The following RSPRY1 variants were observed in gnomAD, a reference collection of about 807,000 sequenced individuals.
RSPRY1 encodes the protein RING finger and SPRY domain-containing protein 1.
Under a neutral mutation model 73.1 loss-of-function variants are expected in RSPRY1, and 23 were observed. The ratio of observed to expected loss-of-function variants is 0.31; its 90% CI spans 0.23 to 0.45. The LOEUF (loss-of-function observed/expected upper bound fraction) is 0.45. Among genes scored for constraint, RSPRY1 ranks in the 20% least tolerant of loss-of-function variants. The pLI, the probability that RSPRY1 is intolerant of heterozygous loss-of-function variation, is 1.00. For missense variants in RSPRY1, 448 were observed against 698.7 expected, an observed-to-expected ratio of 0.64 and a Z score of 4.05; for synonymous variants, 226 against 251.4, an observed-to-expected ratio of 0.90 and a Z score of 0.95.
Position 57,204,729 on chromosome 16 carries a change from A to C in RSPRY1, c.71A>C (p.Glu24Ala). Residue 24 changes from glutamate to alanine, a missense_variant, in exon 2 of 15, where the codon GAA (glutamate) becomes GCA (alanine). Coordinates refer to ENST00000394420, the MANE Select transcript of RSPRY1 (RefSeq NM_133368.3). ...GGCCAGGGTCTGTTGTTGACTCTCG[A>C]AGAGCACATAGCCCACTTCCTAGGG... ...SLGQGLLLTL[E>A]EHIAHFLGTG... 6.2e-7 allele frequency: 1 copy of C among 1,614,206 alleles called. No homozygotes were observed. Among genetic ancestry groups the C allele is most frequent in the South Asian group, 1.1e-5 (1 of 91,090 alleles).
chr16:57,226,819 G>T (rs2075128012), intron 10 of RSPRY1, among the ~76,000 whole-genome samples: 2 of 152,166 alleles, frequency 1.3e-5, no homozygotes, highest in Non-Finnish European at 2.9e-5. Context: ...TGGGAATGCA[G>T]CTGAGCAGCC....
At chr16:57,200,913 A>T (rs1311488502) in intron 1 of RSPRY1, among the ~76,000 whole-genome samples, 3 of 94,484 alleles carry the variant, frequency 3.2e-5, no homozygotes, top group Non-Finnish European at 6.1e-5. Context: ...GGCCAGGCAG[A>T]GGCGCCCCTC....
intron 1 of RSPRY1, among the ~76,000 whole-genome samples, chr16:57,198,590 A>G (rs2074497941): frequency 6.6e-6 from 1 of 152,222 alleles, no homozygotes; most frequent in African/African-American, 2.4e-5. Flanking sequence ...GTAACTTTAT[A>G]GGCTCCCCTA....
chr16:57,237,676 T>A (rs983807702), intron 14 of RSPRY1, among the ~76,000 whole-genome samples: 42 of 152,014 alleles, frequency 2.8e-4, no homozygotes, highest in Admixed American at 1.4e-3. Context: ...CTAGTATCTC[T>A]TTATTTTTTT....
chr16:57,206,332 G>A (rs2074724362), intron 2 of RSPRY1, among the ~76,000 whole-genome samples: 1 of 152,172 alleles, frequency 6.6e-6, no homozygotes, highest in African/African-American at 2.4e-5. Context: ...CTAGAGTCCA[G>A]GAGTTTCCAG....
At chr16:57,201,354 C>T in intron 1 of RSPRY1, among the ~76,000 whole-genome samples, 3 of 151,548 alleles carry the variant, frequency 2.0e-5, no homozygotes, top group African/African-American at 7.3e-5. Flanking sequence ...CCTCACATCC[C>T]AGACGGGGCG....
chr16:57,213,991 G>A, intron 6 of RSPRY1, 45 bp downstream of exon 6: 1 of 1,293,798 alleles, frequency 7.7e-7, no homozygotes, highest in Non-Finnish European at 1.1e-6. Context: ...ATCTAGAAGT[G>A]GGCATCATCT....
At chr16:57,191,448 C>G (rs776913384) in intron 1 of RSPRY1, among the ~76,000 whole-genome samples, 2 of 152,026 alleles carry the variant, frequency 1.3e-5, no homozygotes, top group Non-Finnish European at 2.9e-5. Flanking sequence ...TTTTTTCGCC[C>G]AGGAAGTCTG....
intron 1 of RSPRY1, among the ~76,000 whole-genome samples, chr16:57,198,468 T>C (rs1173971693): frequency 3.3e-5 from 5 of 152,180 alleles, no homozygotes; most frequent in African/African-American, 1.2e-4. Context: ...AATGATAAAG[T>C]TTAAGAATTT....
At chr16:57,224,533 A>G (rs2075091247) in intron 10 of RSPRY1, 1 of 152,234 alleles carries the variant, frequency 6.6e-6, no homozygotes, top group Non-Finnish European at 1.5e-5. Context: ...AGTTCAAGAT[A>G]AATACCAAGC....
intron 8 of RSPRY1, among the ~76,000 whole-genome samples, chr16:57,219,370 A>G (rs191696037): frequency 6.6e-6 from 1 of 152,256 alleles, no homozygotes. Flanking sequence ...GGGTGAGATG[A>G]TAGCTCATTG....
intron 1 of RSPRY1, among the ~76,000 whole-genome samples, chr16:57,202,904 A>ATATATATATATATATATATATC: frequency 7.0e-6 from 1 of 141,886 alleles, no homozygotes; most frequent in South Asian, 2.2e-4. Flanking sequence ...ATATATATAT[A>ATATATATATATATATATATATC]TATCTGAAGA....
chr16:57,205,065 C>A, intron 2 of RSPRY1, 57 bp downstream of exon 2: 1 of 1,375,138 alleles, frequency 7.3e-7, no homozygotes, highest in Non-Finnish European at 1.0e-6. Flanking sequence ...TGCCCGGAAC[C>A]ATGACTTTAG....
intron 2 of RSPRY1, among the ~76,000 whole-genome samples, chr16:57,206,560 T>C (rs1176921419): frequency 6.6e-6 from 1 of 152,150 alleles, no homozygotes; most frequent in Admixed American, 6.6e-5. Context: ...GAGAGTTTTT[T>C]TGTTTTGTTT....
chr16:57,221,989 C>A lies in RSPRY1; in HGVS notation c.1161+574C>A, dbSNP rs139763593. ...TCCCTTTCCTACAGATGTATGATTT[C>A]TTGCCACTTTATACCCTTCTAACAC... On this transcript the variant is annotated intron_variant, in intron 10 of 14. Coordinates refer to ENST00000394420, the MANE Select transcript of RSPRY1 (RefSeq NM_133368.3). 7.2e-5 allele frequency among the ~76,000 whole-genome samples: 11 copies of A among 152,260 alleles called. No homozygotes were observed. In the East Asian group the frequency reaches 2.1e-3, roughly 29 times the overall value.
Position 57,235,105 on chromosome 16 carries a change from A to G in RSPRY1, c.1530-19A>G, listed in dbSNP as rs1240045837. Reference sequence around the variant, plus strand: ...ACCCCTGTTGACAAAATGTATTTCAAATTGCTTTTTCTACTCAGGCACAGG... The same window carrying G: ...ACCCCTGTTGACAAAATGTATTTCAGATTGCTTTTTCTACTCAGGCACAGG... On this transcript the variant is annotated intron_variant, in intron 13 of 14. Transcript: ENST00000394420. The G allele has an allele frequency of 8.2e-6, 13 of 1,593,738 alleles. No individual in the cohort carries two copies. The highest frequency in any genetic ancestry group is 1.1e-5 in the Non-Finnish European group (13 of 1,162,128).
intron 1 of RSPRY1, among the ~76,000 whole-genome samples, chr16:57,200,032 C>T (rs1274512378): frequency 6.9e-6 from 1 of 145,006 alleles, no homozygotes; most frequent in Non-Finnish European, 1.5e-5. Flanking sequence ...CTCTGGTTTT[C>T]CTAGGCAGAG....
At chr16:57,223,345 A>G (rs2075069176) in intron 10 of RSPRY1, among the ~76,000 whole-genome samples, 1 of 152,216 alleles carries the variant, frequency 6.6e-6, no homozygotes, top group Admixed American at 6.5e-5. Context: ...CACTGGGCTC[A>G]ATGTTAGGTC....
intron 13 of RSPRY1, 140 bp from the exon 14 acceptor site, chr16:57,234,984 G>A: frequency 1.6e-6 from 1 of 613,592 alleles, no homozygotes; most frequent in Non-Finnish European, 2.9e-6. Context: ...GAAAGGAGAT[G>A]GCATGTATGA....
Sources: allele counts gnomAD v4.1 joint callset (sites outside exome capture counted in the v4.1 genomes callset), GRCh38; gene constraint gnomAD v4.1.1; transcripts MANE v1.5; gene names NCBI Gene and HGNC (gene_info 2026-07-23, HGNC 2026-07-21).